Variants in CCDC171 observed in about 807,000 individuals in gnomAD.
The protein encoded by CCDC171 is coiled-coil domain containing 171.
Under a neutral mutation model 168.2 loss-of-function variants are expected in CCDC171, and 177 were observed. The observed-to-expected ratio is 1.05, with a 90% CI of 0.93 to 1.19. The LOEUF (loss-of-function observed/expected upper bound fraction) is 1.19. Among genes scored for constraint, CCDC171 ranks in the 50% most tolerant of loss-of-function variants. The probability of loss-of-function intolerance (pLI) is 0.00; values close to 1 mark genes in which losing one functional copy is unlikely to be tolerated. For synonymous variants in CCDC171, 687 were observed against 540.8 expected (o/e 1.27, Z -3.75); for missense variants, 1,991 against 1,539.0 (o/e 1.29, Z -4.91).
the CCDC171 span, among the ~76,000 whole-genome samples, chr9:16,073,160 G>T: frequency 6.6e-6 from 1 of 152,198 alleles, no homozygotes; most frequent in Non-Finnish European, 1.5e-5. Flanking sequence ...TGGGACTGAA[G>T]CTGCAAATAA....
At chr9:16,021,303 G>A (rs576618558) in intron 4 of CCDC171, among the ~76,000 whole-genome samples, 2 of 152,280 alleles carry the variant, frequency 1.3e-5, no homozygotes, top group African/African-American at 2.4e-5. Flanking sequence ...GGCCAGGATG[G>A]TCTCAATCTC....
rs538918762 is a variant in CCDC171 at position 15,666,324 on chromosome 9, G to C, written c.1076+1G>C. Reference sequence around the variant, plus strand: ...AAGAGAGCTTTGCAAAACTAAATTTGTAAGTATTCTATTGTAAAATTCTCT... The same window carrying C: ...AAGAGAGCTTTGCAAAACTAAATTTCTAAGTATTCTATTGTAAAATTCTCT... On this transcript the variant is annotated splice_donor_variant, in intron 9 of 25. Coordinates refer to ENST00000380701, the MANE Select transcript of CCDC171 (RefSeq NM_173550.4). LOFTEE classifies it high-confidence loss of function. The C allele has an allele frequency of 1.3e-5, 20 of 1,599,144 alleles. No individual in the cohort carries two copies. The South Asian group carries it at 2.1e-4, about 17-fold the overall frequency.
At chr9:15,912,902 T>A (rs148446595) in intron 24 of CCDC171, among the ~76,000 whole-genome samples, 1 of 152,326 alleles carries the variant, frequency 6.6e-6, no homozygotes, top group East Asian at 1.9e-4. Context: ...TGGATCATGG[T>A]GGATAAGCTT....
intron 10 of CCDC171, among the ~76,000 whole-genome samples, chr9:15,686,537 A>T (rs1362347281): frequency 6.6e-6 from 1 of 152,116 alleles, no homozygotes. Context: ...AATAAAAAAA[A>T]GATAATATAT....
chr9:16,056,534 C>T (rs1331389111), intron 1 of CCDC171, among the ~76,000 whole-genome samples: 3 of 152,202 alleles, frequency 2.0e-5, no homozygotes, highest in African/African-American at 7.2e-5. Flanking sequence ...GTGGCCCAGG[C>T]TGGAGTGCAG....
At chr9:15,776,187 A>G (rs1439495549) in intron 18 of CCDC171, 1 of 152,108 alleles carries the variant, frequency 6.6e-6, no homozygotes, top group Non-Finnish European at 1.5e-5. Context: ...TTATAAAAAC[A>G]TGGAACGCTT....
At chr9:15,793,730 A>G (rs939391890) in intron 21 of CCDC171, among the ~76,000 whole-genome samples, 2 of 151,534 alleles carry the variant, frequency 1.3e-5, no homozygotes, top group Non-Finnish European at 2.9e-5. Flanking sequence ...TTATATTTTT[A>G]TTAGGACAGT....
chr9:16,077,123 C>G, the CCDC171 span, among the ~76,000 whole-genome samples: 4 of 152,190 alleles, frequency 2.6e-5, no homozygotes, highest in East Asian at 5.8e-4. Flanking sequence ...AGGTGGGATT[C>G]CTTGACTTCC....
chr9:16,014,942 A>C (rs903189332), intron 3 of CCDC171, among the ~76,000 whole-genome samples: 1 of 152,102 alleles, frequency 6.6e-6, no homozygotes. Context: ...CACCAGCTCC[A>C]TTAGCCGCTA....
At chr9:15,623,535 G>C (rs1393507290) in intron 7 of CCDC171, 122 bp downstream of exon 7, 3 of 535,710 alleles carry the variant, frequency 5.6e-6, no homozygotes, top group Non-Finnish European at 9.0e-6. Flanking sequence ...TTTAAGATTG[G>C]AGAGTTTTAC....
At chr9:15,925,022 A>T (rs1363943261) in intron 25 of CCDC171, among the ~76,000 whole-genome samples, 1 of 151,558 alleles carries the variant, frequency 6.6e-6, no homozygotes, top group Admixed American at 6.6e-5. Context: ...AAAATTTATT[A>T]AGCATCTGCT....
chr9:16,023,768 C>A (rs1833220789), intron 6 of CCDC171, among the ~76,000 whole-genome samples: 1 of 151,958 alleles, frequency 6.6e-6, no homozygotes, highest in Non-Finnish European at 1.5e-5. Flanking sequence ...GTAAGGAATT[C>A]AACTGGTCAC....
At chr9:16,003,782 T>A (rs908787522) in intron 3 of CCDC171, among the ~76,000 whole-genome samples, 1 of 152,184 alleles carries the variant, frequency 6.6e-6, no homozygotes, top group African/African-American at 2.4e-5. Flanking sequence ...ATTATATGTA[T>A]GAGGATTGGG....
intron 7 of CCDC171, among the ~76,000 whole-genome samples, chr9:15,655,185 A>G (rs1003877804): frequency 2.0e-5 from 3 of 152,192 alleles, no homozygotes; most frequent in African/African-American, 7.2e-5. Flanking sequence ...AGTATAAAAA[A>G]AAAAAACTTG....
intron 18 of CCDC171, among the ~76,000 whole-genome samples, chr9:15,775,678 A>T (rs550609191): frequency 3.9e-5 from 6 of 152,230 alleles, no homozygotes; most frequent in South Asian, 4.1e-4. Flanking sequence ...TCTGTGAAAA[A>T]TTTTTTTGTA....
intron 25 of CCDC171, among the ~76,000 whole-genome samples, chr9:15,924,030 G>A (rs930558506): frequency 2.0e-5 from 3 of 151,048 alleles, no homozygotes; most frequent in African/African-American, 4.9e-5. Flanking sequence ...TATAGATATA[G>A]GTATATAGAT....
rs1380302871 is a variant in CCDC171 at position 15,819,653 on chromosome 9, A to G, written c.3268-27049A>G. On this transcript the variant is annotated intron_variant, in intron 21 of 25. Coordinates refer to ENST00000380701, the MANE Select transcript of CCDC171 (RefSeq NM_173550.4). ...AAGAAGAACTAACTGTCCTAAATAT[A>G]TATGCACCCAATACAGGAACACCCA... 1.7e-4 allele frequency among the ~76,000 whole-genome samples: 20 copies of G among 117,862 alleles called. 5 individuals are homozygous for G. Among genetic ancestry groups the G allele is most frequent in the Non-Finnish European group, 2.7e-4 (14 of 52,422 alleles). The allele number at this position is 117,862 out of a possible 152,430, so 77.3% of individuals were successfully genotyped here. A position where few individuals can be genotyped will look rare whatever the true frequency, so the allele number is the denominator to read the frequency against.
chr9:15,610,002 T>C (rs1390604922), intron 6 of CCDC171, among the ~76,000 whole-genome samples: 1 of 152,156 alleles, frequency 6.6e-6, no homozygotes, highest in Non-Finnish European at 1.5e-5. Flanking sequence ...TTCTGAGAGA[T>C]TTTCTCAATT....
rs547981187 is a variant in CCDC171 at position 15,588,136 on chromosome 9, G to A, written c.353-3230G>A. Among the ~76,000 whole-genome samples the A allele has an allele frequency of 8.5e-5, 13 of 152,272 alleles. No individual in the cohort carries two copies. In the East Asian group the frequency reaches 2.5e-3, roughly 29 times the overall value. On this transcript the variant is annotated intron_variant, in intron 4 of 25. Coordinates refer to ENST00000380701, the MANE Select transcript of CCDC171 (RefSeq NM_173550.4). Reference sequence around the variant, plus strand: ...TGTAATCCCAGCTACTCGGGAGGCTGAGGTGGGAGAATCACTTGAACCTGG... The same window carrying A: ...TGTAATCCCAGCTACTCGGGAGGCTAAGGTGGGAGAATCACTTGAACCTGG...
Sources: gnomAD v4.1 joint callset for allele counts (sites outside exome capture counted in the v4.1 genomes callset) on GRCh38, gnomAD v4.1.1 for gene constraint, MANE v1.5 for transcripts, NCBI Gene and HGNC (gene_info 2026-07-23, HGNC 2026-07-21) for gene names.